The following GALNT13 variants were observed in gnomAD, a reference collection of about 807,000 sequenced individuals.
The protein encoded by GALNT13 is UDP-GalNAc:polypeptide N-acetylgalactosaminyltransferase 13.
In GALNT13, 28 loss-of-function variants were observed where a neutral mutation model predicts 64.2. The observed-to-expected ratio is 0.44, with a 90% CI of 0.32 to 0.60. The LOEUF is 0.60. GALNT13 is among the 20% of genes least tolerant of loss of function. GALNT13 has a pLI of 0.05. For synonymous variants in GALNT13, 214 were observed against 224.6 expected (o/e 0.95, Z 0.42); for missense variants, 577 against 669.8 (o/e 0.86, Z 1.53).
intron 3 of GALNT13, among the ~76,000 whole-genome samples, chr2:153,980,316 A>G (rs2105155618): frequency 1.3e-5 from 2 of 152,302 alleles, no homozygotes; most frequent in Admixed American, 6.5e-5. Flanking sequence ...AAAAAGGATT[A>G]CTAATTGCTA....
At chr2:154,434,201 C>A (rs1187794153) in intron 11 of GALNT13, among the ~76,000 whole-genome samples, 2 of 152,118 alleles carry the variant, frequency 1.3e-5, no homozygotes, top group Non-Finnish European at 2.9e-5. Context: ...TTATGACAGC[C>A]CTAGTGAACT....
At chr2:154,275,511 T>C (rs1691592336) in intron 8 of GALNT13, among the ~76,000 whole-genome samples, 1 of 152,146 alleles carries the variant, frequency 6.6e-6, no homozygotes, top group African/African-American at 2.4e-5. Context: ...CACATGCTGT[T>C]AGGCCTGTGG....
At chr2:153,166,671 G>GTGTGTGTGTGTGTGT in the GALNT13 span, among the ~76,000 whole-genome samples, 4 of 145,154 alleles carry the variant, frequency 2.8e-5, no homozygotes, top group African/African-American at 5.1e-5. Flanking sequence ...GTGTGTGTGT[G>GTGTGTGTGTGTGTGT]ATGGGACTGT....
intron 12 of GALNT13, among the ~76,000 whole-genome samples, chr2:154,448,820 C>T (rs766903992): frequency 1.1e-4 from 16 of 151,790 alleles, no homozygotes; most frequent in Middle Eastern, 6.8e-3. Context: ...GAGTGCTTTC[C>T]GGGGTAGCTT....
the GALNT13 span, among the ~76,000 whole-genome samples, chr2:153,630,372 A>G: frequency 2.4e-4 from 36 of 151,922 alleles, no homozygotes; most frequent in Non-Finnish European, 3.8e-4. Flanking sequence ...ATTGGAAATC[A>G]TCATCCTCTG....
intron 3 of GALNT13, among the ~76,000 whole-genome samples, chr2:154,023,687 C>T (rs1697710294): frequency 6.6e-6 from 1 of 152,110 alleles, no homozygotes; most frequent in African/African-American, 2.4e-5. Flanking sequence ...GCATTTAGCC[C>T]ATTTAGATTT....
At chr2:154,202,893 T>A (rs1002406535) in intron 4 of GALNT13, among the ~76,000 whole-genome samples, 1 of 152,148 alleles carries the variant, frequency 6.6e-6, no homozygotes, top group Non-Finnish European at 1.5e-5. Context: ...TAACATTGGA[T>A]GTTTCGCTGC....
intron 3 of GALNT13, among the ~76,000 whole-genome samples, chr2:154,136,714 A>T (rs919823622): frequency 4.6e-5 from 7 of 152,170 alleles, no homozygotes; most frequent in Non-Finnish European, 7.4e-5. Context: ...TAAAAGCTTT[A>T]TAATGTCATT....
At chr2:153,403,331 A>C in the GALNT13 span, among the ~76,000 whole-genome samples, 20 of 151,876 alleles carry the variant, frequency 1.3e-4, no homozygotes, top group African/African-American at 4.8e-5. Context: ...CTCTCTTCAA[A>C]GCTGTCAGAC....
the GALNT13 span, among the ~76,000 whole-genome samples, chr2:153,175,392 T>C: frequency 3.3e-5 from 5 of 152,172 alleles, no homozygotes; most frequent in African/African-American, 7.2e-5. Flanking sequence ...GAGTGTAATT[T>C]GCAAATTCTT....
chr2:154,285,340 T>C (rs1692203883), intron 8 of GALNT13, among the ~76,000 whole-genome samples: 1 of 152,296 alleles, frequency 6.6e-6, no homozygotes, highest in East Asian at 1.9e-4. Context: ...TGAGTAACTT[T>C]ACAGTTTCAA....
the GALNT13 span, among the ~76,000 whole-genome samples, chr2:153,783,111 TTAAATC>T: frequency 2.0e-5 from 3 of 152,224 alleles, no homozygotes; most frequent in South Asian, 6.2e-4. Flanking sequence ...TGATGGATAT[TTAAATC>T]TAAAGTTTAA....
the GALNT13 span, among the ~76,000 whole-genome samples, chr2:153,612,550 T>G: frequency 6.6e-6 from 1 of 151,896 alleles, no homozygotes; most frequent in Non-Finnish European, 1.5e-5. Flanking sequence ...TCTGATAAAC[T>G]GAGAAAATAG....
At chr2:153,166,617 CTGCATGTGTGTG>C in the GALNT13 span, among the ~76,000 whole-genome samples, 237 of 100,970 alleles carry the variant, frequency 2.3e-3, 1 homozygote, top group African/African-American at 9.4e-3. Flanking sequence ...TCTTTGCCTA[CTGCATGTGTGTG>C]TGTGTGTGTG....
At chr2:153,814,226 G>C in the GALNT13 span, among the ~76,000 whole-genome samples, 1 of 152,078 alleles carries the variant, frequency 6.6e-6, no homozygotes, top group South Asian at 2.1e-4. Flanking sequence ...GGATCACGAG[G>C]TCAGGAGATC....
At chr2:154,013,443 T>C (rs1255687746) in intron 3 of GALNT13, among the ~76,000 whole-genome samples, 1 of 152,076 alleles carries the variant, frequency 6.6e-6, no homozygotes, top group African/African-American at 2.4e-5. Context: ...TTCGTAGGGT[T>C]GTTGGCAGTG....
chr2:153,196,100 G>A, the GALNT13 span, among the ~76,000 whole-genome samples: 21 of 152,302 alleles, frequency 1.4e-4, 1 homozygote, highest in African/African-American at 4.6e-4. Flanking sequence ...CACCAGGAGC[G>A]GGTCAGGAAA....
At chr2:153,695,071 C>G in the GALNT13 span, among the ~76,000 whole-genome samples, 1 of 152,086 alleles carries the variant, frequency 6.6e-6, no homozygotes, top group Non-Finnish European at 1.5e-5. Context: ...AGTGACTTCT[C>G]CCAGTAAGTA....
intron 10 of GALNT13, among the ~76,000 whole-genome samples, chr2:154,398,090 A>G (rs1221271816): frequency 2.0e-5 from 3 of 152,236 alleles, no homozygotes; most frequent in African/African-American, 7.2e-5. Flanking sequence ...CTCTGATAAA[A>G]TATTTAATAC....
Sources: allele counts gnomAD v4.1 joint callset (sites outside exome capture counted in the v4.1 genomes callset), GRCh38; gene constraint gnomAD v4.1.1; transcripts MANE v1.5; gene names NCBI Gene and HGNC (gene_info 2026-07-23, HGNC 2026-07-21).